PKNOX2: variants seen among roughly 807,000 people sequenced by gnomAD.
The protein encoded by PKNOX2 is homeobox protein PKNOX2.
In PKNOX2, 14 loss-of-function variants were observed where a neutral mutation model predicts 53.1. The observed-to-expected ratio is 0.26, with a 90% CI of 0.17 to 0.41. The LOEUF (loss-of-function observed/expected upper bound fraction) is 0.41. Ranked by LOEUF, PKNOX2 falls within the 10% of genes least tolerant of loss-of-function variation. PKNOX2 has a pLI of 1.00. For synonymous variants in PKNOX2, 257 were observed against 242.8 expected, an observed-to-expected ratio of 1.06 and a Z score of -0.54; for missense variants, 496 against 602.8, an observed-to-expected ratio of 0.82 and a Z score of 1.85.
In PKNOX2 at chr11:125,370,067, T is replaced by A. The variant is rs1263031520; in HGVS notation, c.227+2082T>A. Among the ~76,000 whole-genome samples the A allele has an allele frequency of 6.6e-6, 1 of 152,086 alleles. No homozygotes were observed. The highest frequency in any genetic ancestry group is 1.5e-5 in the Non-Finnish European group (1 of 68,016). ...CTCAGACCCCTGGGTCAGGGGCCTG[T>A]AGTGAGCATAGATCATGGTCTAGAA... On this transcript the variant is annotated intron_variant, in intron 5 of 12. Coordinates refer to ENST00000298282, the MANE Select transcript of PKNOX2 (RefSeq NM_001382323.2). The surrounding 1 kb of genome is among the most constrained non-coding windows in gnomAD (Gnocchi z 4.1).
At chr11:125,394,866 C>T (rs1954286668) in intron 6 of PKNOX2, among the ~76,000 whole-genome samples, 1 of 152,192 alleles carries the variant, frequency 6.6e-6, no homozygotes. Context: ...ATACAGAGAG[C>T]TCCTGATTCA....
At chr11:125,330,469 G>C (rs1950075362) in intron 2 of PKNOX2, 1 of 152,168 alleles carries the variant, frequency 6.6e-6, no homozygotes, top group Non-Finnish European at 1.5e-5. Flanking sequence ...TGTCCTCTTG[G>C]AAGGAGCCTG....
intron 4 of PKNOX2, among the ~76,000 whole-genome samples, chr11:125,359,484 C>T (rs1180334227): frequency 6.6e-6 from 1 of 152,168 alleles, no homozygotes; most frequent in Non-Finnish European, 1.5e-5. Context: ...CTGGACATAT[C>T]CCCATACTCC....
intron 10 of PKNOX2, among the ~76,000 whole-genome samples, chr11:125,415,848 A>C (rs1955842630): frequency 6.6e-6 from 1 of 152,236 alleles, no homozygotes; most frequent in South Asian, 2.1e-4. Context: ...AAAAAGAAAC[A>C]ACCATTCAAA....
At chr11:125,357,945 G>A (rs1488824446) in intron 4 of PKNOX2, among the ~76,000 whole-genome samples, 1 of 152,196 alleles carries the variant, frequency 6.6e-6, no homozygotes, top group Non-Finnish European at 1.5e-5. Context: ...ATTGTGCTGT[G>A]TACTGGGGTG....
At chr11:125,384,440 C>G (rs1378094424) in intron 5 of PKNOX2, among the ~76,000 whole-genome samples, 3 of 152,154 alleles carry the variant, frequency 2.0e-5, no homozygotes, top group Non-Finnish European at 4.4e-5. Flanking sequence ...AATCTCAGCA[C>G]TTTGGGAGGC....
intron 10 of PKNOX2, among the ~76,000 whole-genome samples, chr11:125,418,951 T>C (rs1329111888): frequency 6.6e-6 from 1 of 152,008 alleles, no homozygotes; most frequent in Non-Finnish European, 1.5e-5. Flanking sequence ...ATGCAAATAC[T>C]ACATCATGTT....
chr11:125,362,542 T>C (rs1951981921), intron 4 of PKNOX2, among the ~76,000 whole-genome samples: 1 of 151,986 alleles, frequency 6.6e-6, no homozygotes, highest in Non-Finnish European at 1.5e-5. Context: ...GCCAATTTAT[T>C]TTACTTTTTG....
chr11:125,245,127 G>A (rs954433798), intron 2 of PKNOX2, among the ~76,000 whole-genome samples: 1 of 152,194 alleles, frequency 6.6e-6, no homozygotes, highest in African/African-American at 2.4e-5. Flanking sequence ...GCTGGAAGGT[G>A]TGTGTTTTAT....
At chr11:125,176,929 C>T (rs1435639894) in intron 1 of PKNOX2, among the ~76,000 whole-genome samples, 5 of 152,346 alleles carry the variant, frequency 3.3e-5, no homozygotes, top group Admixed American at 2.6e-4. Context: ...TTCAGGGGAG[C>T]TTTAGAAAAT....
At chr11:125,302,719 G>A (rs745658595) in intron 2 of PKNOX2, among the ~76,000 whole-genome samples, 47 of 152,194 alleles carry the variant, frequency 3.1e-4, no homozygotes, top group Admixed American at 1.0e-3. Flanking sequence ...AGGCCCTGCC[G>A]CCAGCCCTGA....
chr11:125,429,155 T>G (rs1956576401), intron 11 of PKNOX2, 67 bp downstream of exon 11: 1 of 1,455,956 alleles, frequency 6.9e-7, no homozygotes. Context: ...GGGGAATGCG[T>G]AGCAGGGAAA....
intron 3 of PKNOX2, among the ~76,000 whole-genome samples, chr11:125,334,457 C>T (rs924519527): frequency 2.6e-5 from 4 of 152,126 alleles, no homozygotes; most frequent in African/African-American, 9.7e-5. Flanking sequence ...TTGGTGAACA[C>T]GTAGTTATTG....
intron 2 of PKNOX2, among the ~76,000 whole-genome samples, chr11:125,296,627 CTTAT>C (rs1310794685): frequency 1.3e-5 from 2 of 152,014 alleles, no homozygotes; most frequent in South Asian, 2.1e-4. Flanking sequence ...TATGCAGGTA[CTTAT>C]TTATTTATTT....
chr11:125,338,156 C>T (rs928978195), intron 3 of PKNOX2, among the ~76,000 whole-genome samples: 1 of 152,158 alleles, frequency 6.6e-6, no homozygotes, highest in Admixed American at 6.5e-5. Flanking sequence ...CTGACCTTCC[C>T]CATCATTCTG....
At chr11:125,349,036 T>C (rs1178568388) in intron 3 of PKNOX2, among the ~76,000 whole-genome samples, 1 of 152,164 alleles carries the variant, frequency 6.6e-6, no homozygotes, top group Non-Finnish European at 1.5e-5. Flanking sequence ...GATTCCACCA[T>C]CCTGGCCCTT....
rs532846548 is a variant in PKNOX2 at position 125,236,240 on chromosome 11, G to T, written c.-130+1125G>T. On this transcript the variant is annotated intron_variant, in intron 2 of 12. Transcript: ENST00000298282. The stretch of plus-strand genomic sequence containing the variant: ...GCCTAATGGCCTGCGATTCAGCGCC[G>T]GTCGCCTCTGTGATTGACGGGCCTG... 3.3e-5 allele frequency among the ~76,000 whole-genome samples: 5 copies of T among 152,160 alleles called. No individual in the cohort carries two copies. The South Asian group carries it at 1.0e-3, about 32-fold the overall frequency.
chr11:125,274,998 A>G (rs536850112), intron 2 of PKNOX2, among the ~76,000 whole-genome samples: 28 of 152,210 alleles, frequency 1.8e-4, no homozygotes, highest in Non-Finnish European at 3.8e-4. Flanking sequence ...CTAGATGCCT[A>G]CTGTGTGCAA....
At chr11:125,334,363 G>C (rs757646716) in intron 3 of PKNOX2, among the ~76,000 whole-genome samples, 1 of 152,176 alleles carries the variant, frequency 6.6e-6, no homozygotes, top group African/African-American at 2.4e-5. Context: ...ATTGGGTAAA[G>C]GAGCTGATTC....
Sources: allele counts gnomAD v4.1 joint callset (sites outside exome capture counted in the v4.1 genomes callset), GRCh38; gene constraint gnomAD v4.1.1; non-coding constraint Gnocchi (gnomAD v3.1); transcripts MANE v1.5; gene names NCBI Gene and HGNC (gene_info 2026-07-23, HGNC 2026-07-21).